The following EPS8 variants were observed in gnomAD, a reference collection of about 807,000 sequenced individuals.
EPS8 encodes EGFR pathway substrate 8, signaling adaptor.
A neutral mutation model predicts 103.8 loss-of-function variants in EPS8; 42 were observed. The observed-to-expected ratio is 0.40, with a 90% CI of 0.32 to 0.52. The LOEUF (loss-of-function observed/expected upper bound fraction) is 0.52. EPS8 is among the 20% of genes least tolerant of loss of function. The pLI is 0.40. For missense variants in EPS8, 969 were observed against 1,005.1 expected (o/e 0.96, Z 0.49); for synonymous variants, 344 against 344.6 (o/e 1.00, Z 0.02).
intron 17 of EPS8, chr12:15,634,670 TAA>T (rs1490630911): frequency 5.0e-6 from 2 of 398,408 alleles, no homozygotes; most frequent in Non-Finnish European, 8.9e-6. Flanking sequence ...TGGAGGGTGT[TAA>T]GTTGAGAGAC....
chr12:15,668,196 A>G (rs962339667), intron 6 of EPS8, among the ~76,000 whole-genome samples: 12 of 152,292 alleles, frequency 7.9e-5, no homozygotes, highest in African/African-American at 2.6e-4. Flanking sequence ...TATCACTTAC[A>G]CAAATTACCT....
At chr12:15,628,915 C>T (rs1944995325) in intron 18 of EPS8, among the ~76,000 whole-genome samples, 1 of 152,018 alleles carries the variant, frequency 6.6e-6, no homozygotes, top group Admixed American at 6.6e-5. Context: ...GAACATTAAG[C>T]CCCAACATTC....
At chr12:15,744,345 T>A (rs925617406) in intron 1 of EPS8, among the ~76,000 whole-genome samples, 22 of 152,222 alleles carry the variant, frequency 1.4e-4, no homozygotes, top group African/African-American at 5.3e-4. Context: ...CTCTGCCCCT[T>A]CCTTATTTAA....
intron 12 of EPS8, among the ~76,000 whole-genome samples, chr12:15,657,549 C>T (rs1945529534): frequency 6.6e-6 from 1 of 152,124 alleles, no homozygotes; most frequent in Admixed American, 6.6e-5. Context: ...CTGTTTTGTT[C>T]CTGATGGGCT....
intron 1 of EPS8, among the ~76,000 whole-genome samples, chr12:15,754,911 G>C (rs531485419): frequency 6.6e-6 from 1 of 152,270 alleles, no homozygotes; most frequent in Admixed American, 6.5e-5. Context: ...CTGCCACCTG[G>C]TTACTTTCTA....
rs1008539594 is a variant in EPS8 at position 15,764,110 on chromosome 12, C to G, written c.-22+25051G>C. On this transcript the variant is annotated intron_variant, in intron 1 of 20. Coordinates refer to ENST00000281172, the MANE Select transcript of EPS8 (RefSeq NM_004447.6). The surrounding 1 kb of genome is among the most constrained non-coding windows in gnomAD (Gnocchi z 4.1). ...GCTAGGGAGGCCTCATAATCATGTC[C>G]AAAGGTGAAGGAGGAGCAAAGTAAC... 2.6e-5 allele frequency among the ~76,000 whole-genome samples: 4 copies of G among 152,044 alleles called. No homozygotes were observed. The highest frequency in any genetic ancestry group is 6.6e-5 in the Admixed American group (1 of 15,258).
In EPS8 at chr12:15,757,451, A is replaced by C. The variant is rs1946997746; in HGVS notation, c.-22+31710T>G. 6.6e-6 allele frequency among the ~76,000 whole-genome samples: 1 copy of C among 152,136 alleles called. No homozygotes were observed. The highest frequency in any genetic ancestry group is 2.1e-4 in the South Asian group (1 of 4,820). ...CGAGACCATCCTGGCCAACACGGTG[A>C]AACCTCATCTCTACTAAAAAATACA... On this transcript the variant is annotated intron_variant, in intron 1 of 20. Coordinates refer to ENST00000281172, the MANE Select transcript of EPS8 (RefSeq NM_004447.6). This position sits in a 1 kb window ranked among gnomAD's most constrained non-coding sequence, Gnocchi z 4.1.
intron 1 of EPS8, among the ~76,000 whole-genome samples, chr12:15,707,431 C>T (rs958541230): frequency 3.9e-5 from 6 of 152,090 alleles, no homozygotes; most frequent in Admixed American, 3.9e-4. Flanking sequence ...TTTCCTATTA[C>T]TTCACCTTAA....
At chr12:15,639,743 C>T (rs900715305) in intron 17 of EPS8, among the ~76,000 whole-genome samples, 48 of 152,168 alleles carry the variant, frequency 3.2e-4, no homozygotes, top group Non-Finnish European at 6.3e-4. Context: ...GACCACAATT[C>T]CAGCTTTGGA....
At chr12:15,773,869 T>C (rs1044152709) in intron 1 of EPS8, among the ~76,000 whole-genome samples, 2 of 152,168 alleles carry the variant, frequency 1.3e-5, no homozygotes, top group African/African-American at 4.8e-5. Flanking sequence ...TATAATTCTC[T>C]CTCATTTTTG....
rs1409915947 is a variant in EPS8 at position 15,787,405 on chromosome 12, C to A, written c.-22+1756G>T. ...AGCTAGAAATAAAAACAAAATAAAT[C>A]TTTAAGTTTGATCACAAACAAGCAA... On this transcript the variant is annotated intron_variant, in intron 1 of 20. Coordinates refer to ENST00000281172, the MANE Select transcript of EPS8 (RefSeq NM_004447.6). This position sits in a 1 kb window ranked among gnomAD's most constrained non-coding sequence, Gnocchi z 4.9. 6.6e-6 allele frequency among the ~76,000 whole-genome samples: 1 copy of A among 152,246 alleles called. No individual in the cohort carries two copies. Among genetic ancestry groups the A allele is most frequent in the Non-Finnish European group, 1.5e-5 (1 of 67,984 alleles).
At chr12:15,719,490 G>A (rs2135974050) in intron 1 of EPS8, among the ~76,000 whole-genome samples, 1 of 152,334 alleles carries the variant, frequency 6.6e-6, no homozygotes, top group East Asian at 1.9e-4. Flanking sequence ...AGCCGTGTCA[G>A]TGACACACAA....
In EPS8 at chr12:15,757,180, A is replaced by G. The variant is rs1244171604; in HGVS notation, c.-22+31981T>C. 1.3e-5 allele frequency among the ~76,000 whole-genome samples: 2 copies of G among 152,232 alleles called. No homozygotes were observed. The highest frequency in any genetic ancestry group is 2.4e-5 in the African/African-American group (1 of 41,460). On this transcript the variant is annotated intron_variant, in intron 1 of 20. Coordinates refer to ENST00000281172, the MANE Select transcript of EPS8 (RefSeq NM_004447.6). This position sits in a 1 kb window ranked among gnomAD's most constrained non-coding sequence, Gnocchi z 4.1. ...CTACAAAATGGAGAGACTGAATAAA[A>G]TGATTTCTAAAATTGTTACCATTTT...
intron 1 of EPS8, among the ~76,000 whole-genome samples, chr12:15,755,436 A>G (rs1946976585): frequency 6.6e-6 from 1 of 152,166 alleles, no homozygotes; most frequent in East Asian, 1.9e-4. Context: ...GACATCTCAG[A>G]AGGACCACTG....
chr12:15,775,011 C>T (rs1439255902), intron 1 of EPS8, among the ~76,000 whole-genome samples: 1 of 152,036 alleles, frequency 6.6e-6, no homozygotes, highest in Non-Finnish European at 1.5e-5. Flanking sequence ...TAACTAGAAA[C>T]ATATGAGCCA....
Position 15,706,159 on chromosome 12 carries a change from T to C in EPS8, c.-21-23187A>G, listed in dbSNP as rs968433408. Among the ~76,000 whole-genome samples the C allele has an allele frequency of 1.3e-5, 2 of 152,282 alleles. No individual in the cohort carries two copies. Among genetic ancestry groups the C allele is most frequent in the East Asian group, 1.9e-4 (1 of 5,174 alleles). On this transcript the variant is annotated intron_variant, in intron 1 of 20. Coordinates refer to ENST00000281172, the MANE Select transcript of EPS8 (RefSeq NM_004447.6). This position sits in a 1 kb window ranked among gnomAD's most constrained non-coding sequence, Gnocchi z 5.2. ...CCAGTATGGTAAACATCTTGTAAAA[T>C]GGTCCCTCCCATTGAGACAGCTAAG... is the stretch of plus-strand genomic sequence containing the variant.
In EPS8 at chr12:15,717,517, G is replaced by T. The variant is rs188264252; in HGVS notation, c.-21-34545C>A. Among the ~76,000 whole-genome samples the T allele has an allele frequency of 6.6e-6, 1 of 152,206 alleles. No homozygotes were observed. Among genetic ancestry groups the T allele is most frequent in the African/African-American group, 2.4e-5 (1 of 41,508 alleles). ...CAGCAGAATTGCTTAAGCCCCGGAG[G>T]CAGAGGTTGCAGTCAGCCGAGATCG... On this transcript the variant is annotated intron_variant, in intron 1 of 20. Coordinates refer to ENST00000281172, the MANE Select transcript of EPS8 (RefSeq NM_004447.6). The surrounding 1 kb of genome is among the most constrained non-coding windows in gnomAD (Gnocchi z 4.3).
At position 15,647,541 on chromosome 12, in the gene EPS8, C is replaced by G. The variant is rs534235657; in HGVS notation, c.1435-281G>C. Reference sequence around the variant, plus strand: ...ATTGTCACATGAAAATCAACTGAACCCTATGCATTAAAATTATACCGGCTT... The same window carrying G: ...ATTGTCACATGAAAATCAACTGAACGCTATGCATTAAAATTATACCGGCTT... On this transcript the variant is annotated intron_variant, in intron 14 of 20. Transcript: ENST00000281172. Among the ~76,000 whole-genome samples the G allele has an allele frequency of 2.0e-5, 3 of 152,120 alleles. No individual in the cohort carries two copies. The East Asian group carries it at 5.8e-4, about 29-fold the overall frequency.
rs1299144801 is a variant in EPS8, at chr12:15,728,961, T to C, written c.-21-45989A>G. Among the ~76,000 whole-genome samples the C allele has an allele frequency of 6.6e-6, 1 of 152,220 alleles. No individual in the cohort carries two copies. The highest frequency in any genetic ancestry group is 1.5e-5 in the Non-Finnish European group (1 of 68,038). The stretch of plus-strand genomic sequence containing the variant: ...GCTGGCAGCAAATTCCCAGTTCTTT[T>C]GTCTGAGAAAGTCTTTACTCCTCCT... On this transcript the variant is annotated intron_variant, in intron 1 of 20. Transcript: ENST00000281172. This position sits in a 1 kb window ranked among gnomAD's most constrained non-coding sequence, Gnocchi z 4.5.
Sources: allele counts gnomAD v4.1 joint callset (sites outside exome capture counted in the v4.1 genomes callset), GRCh38; gene constraint gnomAD v4.1.1; non-coding constraint Gnocchi (gnomAD v3.1); transcripts MANE v1.5; gene names NCBI Gene and HGNC (gene_info 2026-07-23, HGNC 2026-07-21).